Variants in PLAC8 observed in about 807,000 individuals in gnomAD.
PLAC8 encodes the protein placenta-specific gene 8 protein.
A neutral mutation model predicts 12.6 loss-of-function variants in PLAC8; 6 were observed. The observed-to-expected ratio is 0.48, with a 90% CI of 0.26 to 0.94. PLAC8 has a LOEUF of 0.94. Ranked by LOEUF, PLAC8 falls within the 40% of genes least tolerant of loss-of-function variation. The pLI is 0.14. For missense variants in PLAC8, 122 were observed against 152.7 expected (o/e 0.80, Z 1.06); for synonymous variants, 54 against 52.6 (o/e 1.03, Z -0.11).
intron 4 of PLAC8, 64 bp downstream of exon 4, chr4:83,094,614 C>T (rs562075481): frequency 1.8e-5 from 15 of 829,956 alleles, no homozygotes; most frequent in Non-Finnish European, 3.0e-5. Flanking sequence ...AAATAATTGA[C>T]AAAGTCTTTA....
intron 2 of PLAC8, 126 bp downstream of exon 2, chr4:83,107,678 A>G (rs1263043548): frequency 1.5e-5 from 3 of 197,236 alleles, no homozygotes; most frequent in African/African-American, 9.7e-5. Flanking sequence ...CCATTGCCTG[A>G]CATGCAGAGT....
intron 1 of PLAC8, among the ~76,000 whole-genome samples, chr4:83,111,711 T>C (rs1732427795): frequency 6.6e-6 from 1 of 152,240 alleles, no homozygotes; most frequent in African/African-American, 2.4e-5. Context: ...ATCTGAAGAT[T>C]TCAGAATAAA....
intron 1 of PLAC8, among the ~76,000 whole-genome samples, chr4:83,111,672 A>G (rs1732426509): frequency 6.6e-6 from 1 of 152,186 alleles, no homozygotes; most frequent in Non-Finnish European, 1.5e-5. Context: ...CAAGAAGCCT[A>G]TATTCTGTTT....
chr4:83,111,999 A>C (rs144412625), intron 1 of PLAC8, among the ~76,000 whole-genome samples: 3,053 of 151,700 alleles, frequency 0.02, 118 homozygotes, highest in African/African-American at 0.07. Context: ...ACATGGAGAA[A>C]CCCTGTCTCT....
rs750096059 is a variant in PLAC8 at position 83,114,600 on chromosome 4, TAAAG to T, written c.-30+62_-30+65del. On this transcript the variant is annotated intron_variant, in intron 1 of 4. Coordinates refer to ENST00000311507, the MANE Select transcript of PLAC8 (RefSeq NM_016619.3). ...AAAAACAAGAAAATCAAATAACTTTTAAAGAAAGCTTTTTTTTTTTGAATGCTAA... is the reference window on the plus strand; with the variant it reads ...AAAAACAAGAAAATCAAATAACTTTTAAAGCTTTTTTTTTTTGAATGCTAA... 7 of 152,024 alleles carry T rather than the reference TAAAG, an allele frequency of 4.6e-5. No homozygotes were observed. The South Asian group carries it at 6.2e-4, about 14-fold the overall frequency. 9.4% of individuals were successfully genotyped at this position (152,024 alleles called of 1,614,324 possible).
chr4:83,107,623 T>TTTTTTTTTTA (rs1320084499), intron 2 of PLAC8, among the ~76,000 whole-genome samples, 181 bp downstream of exon 2: 2 of 91,622 alleles, frequency 2.2e-5, no homozygotes, highest in Non-Finnish European at 3.9e-5. Flanking sequence ...ACGGAGGCTT[T>TTTTTTTTTTA]TTTTTTTTTT....
rs185284277 is a variant in PLAC8 at position 83,099,875 on chromosome 4, G to A, written c.243+5021C>T. 1.6e-3 allele frequency among the ~76,000 whole-genome samples: 240 copies of A among 151,250 alleles called. 2 individuals are homozygous for A. The highest frequency in any genetic ancestry group is 5.2e-3 in the African/African-American group (216 of 41,244). ...AAAAAAATTAGATGGGTGTGGTGACGCACACCCGTACTCCCAGCTACTCAG... is the reference window on the plus strand; with the variant it reads ...AAAAAAATTAGATGGGTGTGGTGACACACACCCGTACTCCCAGCTACTCAG... On this transcript the variant is annotated intron_variant, in intron 3 of 4. Coordinates refer to ENST00000311507, the MANE Select transcript of PLAC8 (RefSeq NM_016619.3).
intron 2 of PLAC8, 40 bp from the exon 3 acceptor site, chr4:83,105,060 G>A (rs1456081212): frequency 6.2e-7 from 1 of 1,612,180 alleles, no homozygotes; most frequent in Non-Finnish European, 8.5e-7. Flanking sequence ...ACTCCACTCT[G>A]CCCCTGCCAC....
chr4:83,100,691 A>G (rs550519819), intron 3 of PLAC8, among the ~76,000 whole-genome samples: 1 of 152,240 alleles, frequency 6.6e-6, no homozygotes, highest in African/African-American at 2.4e-5. Flanking sequence ...ACACAACAAT[A>G]CTGAAATTAG....
At chr4:83,094,505 C>A in intron 4 of PLAC8, 173 bp downstream of exon 4, 1 of 533,642 alleles carries the variant, frequency 1.9e-6, no homozygotes, top group East Asian at 3.5e-5. Flanking sequence ...AAGTATAGAG[C>A]TATCTTCTTC....
At chr4:83,114,072 ATTT>A (rs531964286) in intron 1 of PLAC8, among the ~76,000 whole-genome samples, 38 of 151,628 alleles carry the variant, frequency 2.5e-4, no homozygotes, top group Middle Eastern at 3.4e-3. Context: ...GTTAAATTTC[ATTT>A]TTTTGCTTTG....
At chr4:83,095,917 G>A (rs1220254323) in intron 3 of PLAC8, among the ~76,000 whole-genome samples, 1 of 152,156 alleles carries the variant, frequency 6.6e-6, no homozygotes, top group Admixed American at 6.6e-5. Flanking sequence ...ACACAGTCAC[G>A]GGCAGGGCAC....
intron 3 of PLAC8, among the ~76,000 whole-genome samples, chr4:83,096,820 A>G (rs1206675908): frequency 6.6e-6 from 1 of 152,244 alleles, no homozygotes; most frequent in Non-Finnish European, 1.5e-5. Context: ...TCAGAGCTAA[A>G]TCTTGTGACC....
At chr4:83,112,017 A>G (rs1732433169) in intron 1 of PLAC8, among the ~76,000 whole-genome samples, 1 of 151,890 alleles carries the variant, frequency 6.6e-6, no homozygotes, top group African/African-American at 2.4e-5. Context: ...TCTACTAAAA[A>G]TACAAAATTA....
chr4:83,095,584 G>A (rs1219832767), intron 3 of PLAC8, among the ~76,000 whole-genome samples: 1 of 152,134 alleles, frequency 6.6e-6, no homozygotes, highest in Admixed American at 6.5e-5. Flanking sequence ...AAAGGGGTAG[G>A]GGGAGAGGGC....
intron 1 of PLAC8, among the ~76,000 whole-genome samples, chr4:83,110,246 C>T (rs1045104765): frequency 6.7e-6 from 1 of 149,438 alleles, no homozygotes; most frequent in African/African-American, 2.5e-5. Flanking sequence ...TATCACCCAC[C>T]CCCTCCCCCG....
At chr4:83,092,771 G>A (rs932141745) in intron 4 of PLAC8, 1 of 145,890 alleles carries the variant, frequency 6.9e-6, no homozygotes, top group Non-Finnish European at 1.5e-5. Context: ...TAATATTGCT[G>A]ATTAGAAGCA....
At chr4:83,099,702 A>C (rs35253632) in intron 3 of PLAC8, among the ~76,000 whole-genome samples, 1 of 151,824 alleles carries the variant, frequency 6.6e-6, no homozygotes, top group Non-Finnish European at 1.5e-5. Context: ...GGTTGTTTAA[A>C]AGTGTGTAGC....
At chr4:83,099,884 T>C (rs1732044209) in intron 3 of PLAC8, among the ~76,000 whole-genome samples, 1 of 151,016 alleles carries the variant, frequency 6.6e-6, no homozygotes, top group African/African-American at 2.4e-5. Flanking sequence ...CGCACACCCG[T>C]ACTCCCAGCT....
Sources: allele counts gnomAD v4.1 joint callset (sites outside exome capture counted in the v4.1 genomes callset), GRCh38; gene constraint gnomAD v4.1.1; transcripts MANE v1.5; gene names NCBI Gene and HGNC (gene_info 2026-07-23, HGNC 2026-07-21).